PDE3B: variants seen among roughly 807,000 people sequenced by gnomAD.
The protein encoded by PDE3B is cGMP-inhibited 3',5'-cyclic phosphodiesterase 3B.
Under a neutral mutation model 116.8 loss-of-function variants are expected in PDE3B, and 66 were observed. The observed-to-expected ratio is 0.56, with a 90% CI of 0.46 to 0.69. PDE3B has a LOEUF of 0.69. Among genes scored for constraint, PDE3B ranks in the 30% least tolerant of loss-of-function variants. The probability of loss-of-function intolerance (pLI) is 0.00; values close to 1 mark genes in which losing one functional copy is unlikely to be tolerated. For missense variants in PDE3B, 1,384 were observed against 1,368.1 expected (o/e 1.01, Z -0.18); for synonymous variants, 595 against 533.6 (o/e 1.12, Z -1.59).
intron 1 of PDE3B, among the ~76,000 whole-genome samples, chr11:14,670,554 A>G (rs191022309): frequency 4.0e-4 from 61 of 152,280 alleles, no homozygotes; most frequent in Admixed American, 1.1e-3. Context: ...ATAGTTATAG[A>G]GTTGCTTGAA....
intron 11 of PDE3B, among the ~76,000 whole-genome samples, chr11:14,836,601 C>T (rs1482792603): frequency 1.3e-5 from 2 of 152,132 alleles, no homozygotes; most frequent in African/African-American, 4.8e-5. Flanking sequence ...TTTCCTATTG[C>T]TGCTGTAATA....
At chr11:14,850,097 A>C (rs1391843127) in intron 12 of PDE3B, among the ~76,000 whole-genome samples, 1 of 152,222 alleles carries the variant, frequency 6.6e-6, no homozygotes. Flanking sequence ...CCAAATGTCC[A>C]ACAATGATAG....
Position 14,668,965 on chromosome 11 carries a change from G to A in PDE3B, c.978+23912G>A, listed in dbSNP as rs11600054. Among the ~76,000 whole-genome samples, 1,021 of 152,238 alleles carry A rather than the reference G, an allele frequency of 6.7e-3. 10 individuals carry two copies. The highest frequency in any genetic ancestry group is 8.7e-3 in the Non-Finnish European group (594 of 68,002). On this transcript the variant is annotated intron_variant, in intron 1 of 15. Transcript: ENST00000282096. ...GCCTCCCTGCTCCTGGGGACCCTCT[G>A]TAAGAGTGAGCGTCCTAATGAAAAT...
At chr11:14,791,162 T>G (rs1858375935) in intron 4 of PDE3B, among the ~76,000 whole-genome samples, 1 of 152,132 alleles carries the variant, frequency 6.6e-6, no homozygotes, top group Non-Finnish European at 1.5e-5. Flanking sequence ...TGCGTAGTGA[T>G]GTTTTGTTCA....
intron 12 of PDE3B, among the ~76,000 whole-genome samples, chr11:14,846,693 G>C (rs1029677158): frequency 6.6e-6 from 1 of 152,048 alleles, no homozygotes; most frequent in Non-Finnish European, 1.5e-5. Flanking sequence ...TGCAATTCTA[G>C]TCTCTGATAA....
At chr11:14,771,750 T>C (rs1022065676) in intron 1 of PDE3B, among the ~76,000 whole-genome samples, 187 bp from the exon 2 acceptor site, 4 of 151,798 alleles carry the variant, frequency 2.6e-5, no homozygotes, top group Non-Finnish European at 5.9e-5. Context: ...TTTATTCTTT[T>C]GATTTCTCAA....
the PDE3B span, chr11:14,879,104 G>A: frequency 1.2e-6 from 2 of 1,609,760 alleles, no homozygotes; most frequent in Non-Finnish European, 1.7e-6. Flanking sequence ...CCCCGTGAAA[G>A]TTCTCTTACC....
chr11:14,898,734 T>G, the PDE3B span, among the ~76,000 whole-genome samples: 1 of 152,150 alleles, frequency 6.6e-6, no homozygotes, highest in Non-Finnish European at 1.5e-5. Flanking sequence ...CTTTTCTTTT[T>G]TTAAGGCTGT....
intron 12 of PDE3B, among the ~76,000 whole-genome samples, chr11:14,846,512 A>G (rs1485058869): frequency 1.3e-5 from 2 of 152,210 alleles, no homozygotes; most frequent in Non-Finnish European, 2.9e-5. Context: ...ATGTAAATGG[A>G]CTAAATGCTC....
intron 1 of PDE3B, among the ~76,000 whole-genome samples, chr11:14,674,931 A>G (rs1360618399): frequency 6.6e-6 from 1 of 152,112 alleles, no homozygotes; most frequent in Non-Finnish European, 1.5e-5. Flanking sequence ...TTTTTTTATT[A>G]TTTTTATAAA....
At chr11:14,733,903 A>G (rs917445973) in intron 1 of PDE3B, among the ~76,000 whole-genome samples, 1 of 152,208 alleles carries the variant, frequency 6.6e-6, no homozygotes, top group Non-Finnish European at 1.5e-5. Context: ...AATTTGCTGT[A>G]TTAAAAACTA....
chr11:14,812,934 G>A (rs1324846438), intron 5 of PDE3B, among the ~76,000 whole-genome samples: 2 of 152,124 alleles, frequency 1.3e-5, no homozygotes, highest in African/African-American at 4.8e-5. Context: ...GACTCTTCAT[G>A]AATGGGATGA....
intron 2 of PDE3B, among the ~76,000 whole-genome samples, chr11:14,780,829 A>T (rs1857967315): frequency 6.6e-6 from 1 of 152,226 alleles, no homozygotes. Context: ...GCAGAACTGA[A>T]GGAGATAGAG....
At chr11:14,815,539 A>C (rs970297667) in intron 5 of PDE3B, among the ~76,000 whole-genome samples, 1 of 152,180 alleles carries the variant, frequency 6.6e-6, no homozygotes, top group African/African-American at 2.4e-5. Context: ...GTTTTTTGTC[A>C]CATGGTCTTC....
intron 11 of PDE3B, among the ~76,000 whole-genome samples, chr11:14,837,283 T>C (rs1337582414): frequency 6.6e-6 from 1 of 152,238 alleles, no homozygotes; most frequent in Non-Finnish European, 1.5e-5. Context: ...TCTCTTGTAG[T>C]CTGGATAGGC....
chr11:14,731,067 TC>T (rs1052635137), intron 1 of PDE3B, among the ~76,000 whole-genome samples: 128 of 152,272 alleles, frequency 8.4e-4, no homozygotes, highest in African/African-American at 3.0e-3. Flanking sequence ...ATACCCATAT[TC>T]CAATTACAGA....
intron 1 of PDE3B, among the ~76,000 whole-genome samples, chr11:14,761,114 C>T (rs527263643): frequency 1.3e-5 from 2 of 152,022 alleles, no homozygotes; most frequent in Non-Finnish European, 2.9e-5. Context: ...TGTGTATTTG[C>T]TTCCTAATAA....
In PDE3B at chr11:14,644,164, G is replaced by A; in HGVS notation, c.89G>A (p.Gly30Asp). The A allele has an allele frequency of 1.3e-6, 2 of 1,595,348 alleles. No homozygotes were observed. Among genetic ancestry groups the A allele is most frequent in the East Asian group, 2.3e-5 (1 of 43,982 alleles). Residue 30 changes from glycine (G) to aspartate (D), a missense_variant, in exon 1 of 16, where the codon GGC becomes GAC. Transcript: ENST00000282096. ...TCGCCCCCCGAGAGTCTGAGGAACG[G>A]CTACGTGAAGAGCTGCGTGAGCCCC... ...AGSPPESLRN[G>D]YVKSCVSPLR...
chr11:14,842,594 G>A (rs1168321760), intron 11 of PDE3B, among the ~76,000 whole-genome samples: 1 of 151,992 alleles, frequency 6.6e-6, no homozygotes, highest in Non-Finnish European at 1.5e-5. Context: ...ATAGCTCTAA[G>A]CCGGTGTAGT....
Sources: gnomAD v4.1 joint callset for allele counts (sites outside exome capture counted in the v4.1 genomes callset) on GRCh38, gnomAD v4.1.1 for gene constraint, MANE v1.5 for transcripts, NCBI Gene and HGNC (gene_info 2026-07-23, HGNC 2026-07-21) for gene names.